Variants in SV2C observed in about 807,000 individuals in gnomAD.
SV2C encodes solute carrier family 22 member B3.
A neutral mutation model predicts 79.7 loss-of-function variants in SV2C; 49 were observed. The ratio of observed to expected loss-of-function variants is 0.61; its 90% CI spans 0.49 to 0.78. The LOEUF is 0.78. Among genes scored for constraint, SV2C ranks in the 30% least tolerant of loss-of-function variants. The probability of loss-of-function intolerance (pLI) is 0.00; values close to 1 mark genes in which losing one functional copy is unlikely to be tolerated. For synonymous variants in SV2C, 334 were observed against 333.2 expected, an observed-to-expected ratio of 1.00 and a Z score of -0.03; for missense variants, 833 against 912.9, an observed-to-expected ratio of 0.91 and a Z score of 1.13.
chr5:76,267,310 T>A (rs951472454), intron 4 of SV2C, among the ~76,000 whole-genome samples: 3 of 152,146 alleles, frequency 2.0e-5, no homozygotes, highest in African/African-American at 7.2e-5. Flanking sequence ...AATTTATGGT[T>A]AATGCATATA....
intron 12 of SV2C, among the ~76,000 whole-genome samples, chr5:76,305,745 A>G (rs1748165507): frequency 1.3e-5 from 2 of 152,260 alleles, no homozygotes; most frequent in South Asian, 4.1e-4. Context: ...TGTAAATGCC[A>G]TCAACATCCT....
chr5:75,967,900 G>T, the SV2C span, among the ~76,000 whole-genome samples: 8 of 152,334 alleles, frequency 5.3e-5, no homozygotes, highest in Middle Eastern at 6.8e-3. Context: ...CCCCCAAGTA[G>T]CCTAACTGGG....
chr5:75,923,053 C>G, the SV2C span, among the ~76,000 whole-genome samples: 431 of 152,274 alleles, frequency 2.8e-3, 3 homozygotes, highest in Non-Finnish European at 2.7e-3. Flanking sequence ...AGCTTTGATA[C>G]TGGCATAAAA....
the SV2C span, among the ~76,000 whole-genome samples, chr5:75,897,074 T>G: frequency 0.022 from 3,281 of 147,152 alleles, 60 homozygotes; most frequent in South Asian, 0.044. Context: ...TTAGTTTAAT[T>G]AGATCCCATT....
the SV2C span, among the ~76,000 whole-genome samples, chr5:76,035,105 A>T: frequency 7.5e-4 from 114 of 151,106 alleles, no homozygotes; most frequent in Middle Eastern, 6.9e-3. Flanking sequence ...TCCCTTTGTC[A>T]TTTTTTATTG....
At chr5:76,336,023 C>T (rs1321059406), downstream of SV2C, among the ~76,000 whole-genome samples, 4 of 150,212 alleles carry the variant, frequency 2.7e-5, no homozygotes, top group Admixed American at 6.6e-5. Context: ...CCTCACCTCC[C>T]GGAGGGGGCG....
chr5:76,342,618 G>A (rs1749464599), intron 12 of SV2C, among the ~76,000 whole-genome samples: 1 of 152,162 alleles, frequency 6.6e-6, no homozygotes. Flanking sequence ...CAGGAGTTGG[G>A]AGCTCAGTCT....
the SV2C span, among the ~76,000 whole-genome samples, chr5:76,020,876 G>A: frequency 6.6e-6 from 1 of 152,160 alleles, no homozygotes; most frequent in Non-Finnish European, 1.5e-5. Context: ...ACACACTAGG[G>A]AAGGCCAAGT....
intron 1 of SV2C, among the ~76,000 whole-genome samples, chr5:76,115,034 A>G (rs1393825531): frequency 6.6e-6 from 1 of 152,206 alleles, no homozygotes; most frequent in Admixed American, 6.5e-5. Context: ...TAAAGGCAGT[A>G]TGGGAGCCCA....
In SV2C at chr5:76,326,647, C is replaced by G. The variant is rs1749005743; in HGVS notation, c.*1100C>G. The G allele has an allele frequency of 6.6e-6, 1 of 152,332 alleles. No individual in the cohort carries two copies. Among genetic ancestry groups the G allele is most frequent in the Non-Finnish European group, 1.5e-5 (1 of 68,150 alleles). 9.4% of individuals were successfully genotyped at this position (152,332 alleles called of 1,614,324 possible). On this transcript the variant is annotated 3_prime_UTR_variant, in exon 13 of 13. Transcript: ENST00000502798. ...TGGCATCAGCAAAGAGGGTTTGTCC[C>G]TCTAGCTTCCCCAGGGCTGGCCCAC...
At chr5:75,869,740 C>T in the SV2C span, among the ~76,000 whole-genome samples, 1 of 152,336 alleles carries the variant, frequency 6.6e-6, no homozygotes, top group Non-Finnish European at 1.5e-5. Context: ...TGACCTGCCA[C>T]AGTCCTAGCA....
the SV2C span, among the ~76,000 whole-genome samples, chr5:76,019,813 T>G: frequency 6.6e-6 from 1 of 152,136 alleles, no homozygotes; most frequent in Admixed American, 6.6e-5. Flanking sequence ...TTTAAAACAG[T>G]ATAATACGAA....
At chr5:76,290,438 G>T (rs1438409332) in intron 6 of SV2C, among the ~76,000 whole-genome samples, 1 of 152,182 alleles carries the variant, frequency 6.6e-6, no homozygotes, top group Non-Finnish European at 1.5e-5. Context: ...ATCAAAAACA[G>T]GTAAATCTTG....
the SV2C span, among the ~76,000 whole-genome samples, chr5:75,993,563 CAAGAACACTGCACTT>C: frequency 6.6e-6 from 1 of 152,058 alleles, no homozygotes; most frequent in Admixed American, 6.6e-5. Flanking sequence ...TAGAGTTACA[CAAGAACACTGCACTT>C]AAGAAGGCAC....
the SV2C span, among the ~76,000 whole-genome samples, chr5:75,902,799 G>A: frequency 0.012 from 1,773 of 152,294 alleles, 28 homozygotes; most frequent in African/African-American, 0.038. Context: ...CTAACAAAAT[G>A]ATTACAAAGT....
At chr5:75,930,177 C>T in the SV2C span, among the ~76,000 whole-genome samples, 1 of 152,126 alleles carries the variant, frequency 6.6e-6, no homozygotes, top group African/African-American at 2.4e-5. Context: ...CGCTTCTCCC[C>T]CTGCTTTCCG....
intron 3 of SV2C, among the ~76,000 whole-genome samples, chr5:76,207,501 T>C (rs920536515): frequency 6.6e-6 from 1 of 152,264 alleles, no homozygotes; most frequent in African/African-American, 2.4e-5. Context: ...AAACCACTTA[T>C]AATCTGTTCA....
chr5:76,191,199 T>C (rs1006742783), intron 2 of SV2C, among the ~76,000 whole-genome samples: 2 of 151,240 alleles, frequency 1.3e-5, no homozygotes, highest in Admixed American at 1.3e-4. Context: ...GCTACACACT[T>C]TTAAACAACC....
At chr5:76,047,933 G>T in the SV2C span, among the ~76,000 whole-genome samples, 1 of 151,498 alleles carries the variant, frequency 6.6e-6, no homozygotes, top group Non-Finnish European at 1.5e-5. Context: ...ACCACTCCCG[G>T]CTAATTTTTT....
Sources: gnomAD v4.1 joint callset for allele counts (sites outside exome capture counted in the v4.1 genomes callset) on GRCh38, gnomAD v4.1.1 for gene constraint, MANE v1.5 for transcripts, NCBI Gene and HGNC (gene_info 2026-07-23, HGNC 2026-07-21) for gene names.